Variants in GRIK2 observed in about 807,000 individuals in gnomAD.
GRIK2 encodes the protein glutamate ionotropic receptor kainate type subunit 2, also known as glutamate receptor ionotropic, kainate 2.
In GRIK2, 32 loss-of-function variants were observed where a neutral mutation model predicts 100.3. That is an observed-to-expected ratio of 0.32 (90% CI 0.24 to 0.43). The LOEUF (loss-of-function observed/expected upper bound fraction) is 0.43. GRIK2 is among the 20% of genes least tolerant of loss of function. The pLI, the probability that GRIK2 is intolerant of heterozygous loss-of-function variation, is 1.00. For missense variants in GRIK2, 843 were observed against 1,114.9 expected (o/e 0.76, Z 3.47); for synonymous variants, 417 against 389.4 (o/e 1.07, Z -0.83).
intron 14 of GRIK2, among the ~76,000 whole-genome samples, chr6:101,975,458 A>G (rs1027661889): frequency 6.6e-6 from 1 of 151,982 alleles, no homozygotes; most frequent in Admixed American, 6.6e-5. Flanking sequence ...GGAAACCAAG[A>G]AAAGGGCTTG....
intron 14 of GRIK2, among the ~76,000 whole-genome samples, chr6:102,024,576 C>T (rs770453928): frequency 4.6e-5 from 7 of 151,042 alleles, no homozygotes; most frequent in South Asian, 2.1e-4. Flanking sequence ...GGTTTTGTAC[C>T]TTCGCTTCCT....
chr6:101,871,902 T>C (rs1184932624), intron 11 of GRIK2, among the ~76,000 whole-genome samples: 2 of 151,900 alleles, frequency 1.3e-5, no homozygotes, highest in African/African-American at 4.8e-5. Context: ...TCCAAAGGAT[T>C]TGGTGAGTCA....
At chr6:101,851,639 A>T (rs972210197) in intron 10 of GRIK2, among the ~76,000 whole-genome samples, 1 of 151,856 alleles carries the variant, frequency 6.6e-6, no homozygotes, top group African/African-American at 2.4e-5. Flanking sequence ...AAATGAGATG[A>T]TTTGTCAGGT....
intron 12 of GRIK2, among the ~76,000 whole-genome samples, chr6:101,912,543 C>T (rs1024145688): frequency 1.1e-4 from 16 of 151,540 alleles, no homozygotes; most frequent in Non-Finnish European, 2.2e-4. Context: ...TCTTCGTGCA[C>T]ATTTAAAAGC....
chr6:101,962,493 G>T (rs1297506401), intron 14 of GRIK2, among the ~76,000 whole-genome samples: 1 of 152,134 alleles, frequency 6.6e-6, no homozygotes, highest in Non-Finnish European at 1.5e-5. Context: ...TGAGAAGGGT[G>T]TATATTTTGC....
At chr6:101,807,521 C>T (rs1010304443) in intron 9 of GRIK2, among the ~76,000 whole-genome samples, 9 of 151,882 alleles carry the variant, frequency 5.9e-5, no homozygotes, top group East Asian at 3.9e-4. Context: ...TCATCACTTG[C>T]ATTAAACAGG....
At chr6:101,741,322 T>G (rs1245460325) in intron 7 of GRIK2, among the ~76,000 whole-genome samples, 3 of 152,220 alleles carry the variant, frequency 2.0e-5, no homozygotes, top group Non-Finnish European at 2.9e-5. Flanking sequence ...AGTTCTCTGT[T>G]GAAATCCAGA....
chr6:101,420,093 G>A (rs141638168), intron 2 of GRIK2, among the ~76,000 whole-genome samples: 26 of 152,278 alleles, frequency 1.7e-4, no homozygotes, highest in African/African-American at 5.5e-4. Context: ...CAGATGGCAG[G>A]TACAATGCAA....
At chr6:101,846,558 T>C (rs1783824638) in intron 10 of GRIK2, among the ~76,000 whole-genome samples, 1 of 152,056 alleles carries the variant, frequency 6.6e-6, no homozygotes, top group Non-Finnish European at 1.5e-5. Context: ...TTCCCTCCTG[T>C]TTTATTATTT....
intron 10 of GRIK2, among the ~76,000 whole-genome samples, chr6:101,825,195 A>G (rs1782239591): frequency 6.6e-6 from 1 of 152,152 alleles, no homozygotes; most frequent in Non-Finnish European, 1.5e-5. Context: ...ACTCATTCAA[A>G]CTAAAGTCTT....
intron 14 of GRIK2, among the ~76,000 whole-genome samples, chr6:102,019,554 G>T (rs1392398441): frequency 6.6e-6 from 1 of 151,970 alleles, no homozygotes; most frequent in African/African-American, 2.4e-5. Flanking sequence ...GTTTTTCACA[G>T]GTGGGCATTT....
rs1167054020 is a variant in GRIK2, at chr6:101,963,586, T to C, written c.2085+34954T>C. On this transcript the variant is annotated intron_variant, in intron 14 of 16. Transcript: ENST00000369134. ...CTAGGATGATCTTGATCTCCTGACC[T>C]CGTGATCCACCCGCCTCGCCCTCCC... 2.1e-5 allele frequency among the ~76,000 whole-genome samples: 3 copies of C among 144,132 alleles called. No individual in the cohort carries two copies. The East Asian group carries it at 6.4e-4, about 31-fold the overall frequency. The allele number at this position is 144,132 out of a possible 152,430, so 94.6% of individuals were successfully genotyped here.
At chr6:101,818,054 A>G (rs935080544) in intron 9 of GRIK2, among the ~76,000 whole-genome samples, 2 of 152,210 alleles carry the variant, frequency 1.3e-5, no homozygotes, top group African/African-American at 2.4e-5. Flanking sequence ...GATGTATGCC[A>G]TTAATGAGTT....
chr6:101,869,940 G>A (rs978767238), intron 11 of GRIK2, among the ~76,000 whole-genome samples: 6 of 151,852 alleles, frequency 4.0e-5, no homozygotes, highest in African/African-American at 1.5e-4. Flanking sequence ...TATCTGAAAG[G>A]TAACTCAACA....
rs1791346656 is a variant in GRIK2, at chr6:101,947,391, T to G, written c.2085+18759T>G. On this transcript the variant is annotated intron_variant, in intron 14 of 16. Transcript: ENST00000369134. ...TTAAAATGTTTATAACAAAGAAACT[T>G]TAATCTTACAGACTTAAATGTTGGA... Among the ~76,000 whole-genome samples, 3 of 152,310 alleles carry G rather than the reference T, an allele frequency of 2.0e-5. No homozygotes were observed. The South Asian group carries it at 6.2e-4, about 32-fold the overall frequency.
chr6:101,570,445 C>A (rs1317434045), intron 2 of GRIK2, among the ~76,000 whole-genome samples: 1 of 152,028 alleles, frequency 6.6e-6, no homozygotes, highest in Non-Finnish European at 1.5e-5. Flanking sequence ...GTCACTCCTC[C>A]TATCTTTCTT....
chr6:101,819,437 C>A (rs1781822101), intron 10 of GRIK2, among the ~76,000 whole-genome samples: 1 of 152,026 alleles, frequency 6.6e-6, no homozygotes, highest in Non-Finnish European at 1.5e-5. Flanking sequence ...TGGGTTAAAG[C>A]CTTTTGATAA....
intron 14 of GRIK2, among the ~76,000 whole-genome samples, chr6:101,975,421 C>T (rs1793303107): frequency 6.6e-6 from 1 of 151,820 alleles, no homozygotes. Context: ...CAGCCAAATA[C>T]ATAGGTAATG....
At chr6:101,888,601 C>T (rs967968250) in intron 11 of GRIK2, among the ~76,000 whole-genome samples, 1 of 152,092 alleles carries the variant, frequency 6.6e-6, no homozygotes, top group Non-Finnish European at 1.5e-5. Context: ...TCTTTCTCTG[C>T]ACACCACCAA....
Sources: gnomAD v4.1 joint callset for allele counts (sites outside exome capture counted in the v4.1 genomes callset) on GRCh38, gnomAD v4.1.1 for gene constraint, MANE v1.5 for transcripts, NCBI Gene and HGNC (gene_info 2026-07-23, HGNC 2026-07-21) for gene names.